The following NRXN2 variants were observed in gnomAD, a reference collection of about 807,000 sequenced individuals.
The protein encoded by NRXN2 is neurexin 2, also known as neurexin-2-beta.
In NRXN2, 29 loss-of-function variants were observed where a neutral mutation model predicts 128.8. The ratio of observed to expected loss-of-function variants is 0.23; its 90% confidence interval spans 0.17 to 0.31. The LOEUF (loss-of-function observed/expected upper bound fraction) is 0.31. Ranked by LOEUF, NRXN2 falls within the 10% of genes least tolerant of loss-of-function variation. The probability of loss-of-function intolerance (pLI) is 1.00; values close to 1 mark genes in which losing one functional copy is unlikely to be tolerated. For synonymous variants in NRXN2, 1,098 were observed against 1,075.2 expected (o/e 1.02, Z -0.41); for missense variants, 1,881 against 2,452.6 (o/e 0.77, Z 4.92).
chr11:64,626,725 G>C (rs938183583), intron 19 of NRXN2, among the ~76,000 whole-genome samples, 173 bp from the exon 20 acceptor site: 3 of 152,164 alleles, frequency 2.0e-5, no homozygotes, highest in Admixed American at 6.5e-5. Flanking sequence ...CCCTCCCTAG[G>C]CTCCGGTTCA....
chr11:64,668,674 C>G (rs2050220092), intron 7 of NRXN2, 70 bp from the exon 8 acceptor site: 2 of 1,586,024 alleles, frequency 1.3e-6, no homozygotes, highest in Non-Finnish European at 1.7e-6. Flanking sequence ...AGAGCTACGG[C>G]TAGGCAAAGG....
At chr11:64,697,551 GGGAA>G (rs1407624147) in intron 3 of NRXN2, among the ~76,000 whole-genome samples, 2 of 152,100 alleles carry the variant, frequency 1.3e-5, no homozygotes, top group Non-Finnish European at 1.5e-5. Flanking sequence ...AGCGTGGAGA[GGGAA>G]AGGAAGAAGA....
intron 9 of NRXN2, chr11:64,661,453 C>T (rs960641310): frequency 8.1e-6 from 10 of 1,240,704 alleles, no homozygotes; most frequent in South Asian, 1.8e-5. Flanking sequence ...GTGGGCATGC[C>T]GAAATCTTGA....
intron 6 of NRXN2, among the ~76,000 whole-genome samples, chr11:64,678,126 C>A (rs1464703095): frequency 6.6e-6 from 1 of 151,992 alleles, no homozygotes; most frequent in Non-Finnish European, 1.5e-5. Context: ...TTCTTCTCAT[C>A]CTTAAGAAAG....
In NRXN2 at chr11:64,714,354, C is replaced by G. The variant is rs2057219253; in HGVS notation, c.-244-411G>C. Among the ~76,000 whole-genome samples the G allele has an allele frequency of 6.6e-6, 1 of 152,152 alleles. No homozygotes were observed. Among genetic ancestry groups the G allele is most frequent in the Non-Finnish European group, 1.5e-5 (1 of 68,030 alleles). The stretch of plus-strand genomic sequence containing the variant: ...TGAACCGCCCAGCCTCTGCCTGGCT[C>G]CCACCTCCAGCCACTGTTCCTCTCA... On this transcript the variant is annotated intron_variant, in intron 1 of 22. Transcript: ENST00000265459. The surrounding 1 kb of genome is among the most constrained non-coding windows in gnomAD (Gnocchi z 4.5).
intron 1 of NRXN2, among the ~76,000 whole-genome samples, chr11:64,715,867 C>T (rs138971141): frequency 4.3e-4 from 65 of 152,274 alleles, no homozygotes; most frequent in South Asian, 1.2e-3. Context: ...TTAACATGTG[C>T]GGGCTAATTA....
intron 6 of NRXN2, among the ~76,000 whole-genome samples, chr11:64,681,238 ACCTTACCAGCTG>A (rs2052232481): frequency 6.6e-6 from 1 of 152,142 alleles, no homozygotes; most frequent in African/African-American, 2.4e-5. Context: ...CGTGTCCAAA[ACCTTACCAGCTG>A]CCTTCAGGAA....
At chr11:64,681,513 A>G (rs1255122406) in intron 6 of NRXN2, among the ~76,000 whole-genome samples, 1 of 152,228 alleles carries the variant, frequency 6.6e-6, no homozygotes, top group Non-Finnish European at 1.5e-5. Context: ...GTGGCATTTA[A>G]GCTGGGCCTG....
chr11:64,722,760 G>A (rs1038008200), intron 1 of NRXN2, among the ~76,000 whole-genome samples: 3 of 148,058 alleles, frequency 2.0e-5, no homozygotes, highest in South Asian at 2.1e-4. Context: ...CAGCTCTCAG[G>A]GCCAGTGCCC....
Position 64,714,636 on chromosome 11 carries a change from C to T in NRXN2, c.-244-693G>A, listed in dbSNP as rs1354029034. 6.6e-6 allele frequency among the ~76,000 whole-genome samples: 1 copy of T among 152,128 alleles called. No homozygotes were observed. The highest frequency in any genetic ancestry group is 2.4e-5 in the African/African-American group (1 of 41,384). ...AGCCTCACTGCTTACCAACCCAGGT[C>T]CTTTCTGAAGCTAAATGTCTGTCAT... On this transcript the variant is annotated intron_variant, in intron 1 of 22. Transcript: ENST00000265459. The surrounding 1 kb of genome is among the most constrained non-coding windows in gnomAD (Gnocchi z 4.5).
At chr11:64,708,681 T>C (rs2056586708) in intron 2 of NRXN2, among the ~76,000 whole-genome samples, 1 of 152,238 alleles carries the variant, frequency 6.6e-6, no homozygotes, top group Admixed American at 6.5e-5. Flanking sequence ...CAAATTCGTA[T>C]GCACACCAAA....
intron 4 of NRXN2, 91 bp downstream of exon 4, chr11:64,692,756 G>C: frequency 7.3e-7 from 1 of 1,376,362 alleles, no homozygotes; most frequent in Non-Finnish European, 1.0e-6. Flanking sequence ...GGAGGGGAAG[G>C]GGACAGGGGA....
chr11:64,658,734 G>C lies in NRXN2; in HGVS notation c.2389+1598C>G, dbSNP rs549663457. ...TGAGACTCCAGATGAGTATTTAAAA[G>C]TTCAAAGTTCAGCCAGGCACAGTGG... On this transcript the variant is annotated intron_variant, in intron 11 of 22. Transcript: ENST00000265459. 5.9e-5 allele frequency among the ~76,000 whole-genome samples: 9 copies of C among 152,350 alleles called. No homozygotes were observed. The South Asian group carries it at 1.5e-3, about 25-fold the overall frequency.
At chr11:64,652,251 C>T (rs1405735952) in intron 12 of NRXN2, 97 bp from the exon 13 acceptor site, 46 of 1,438,712 alleles carry the variant, frequency 3.2e-5, no homozygotes, top group Non-Finnish European at 4.0e-5. Flanking sequence ...CCCATCCCCG[C>T]ACATGCCACA....
rs556702028 is a variant in NRXN2, at chr11:64,667,181, C to T, written c.1798+69G>A. 87 of 1,500,354 alleles carry T rather than the reference C, an allele frequency of 5.8e-5. No homozygotes were observed. The highest frequency in any genetic ancestry group is 7.0e-5 in the Non-Finnish European group (76 of 1,081,258). The allele number at this position is 1,500,354 out of a possible 1,614,324, so 92.9% of individuals were successfully genotyped here. On this transcript the variant is annotated intron_variant, in intron 9 of 22. Coordinates refer to ENST00000265459, the MANE Select transcript of NRXN2 (RefSeq NM_015080.4). The surrounding 1 kb of genome is among the most constrained non-coding windows in gnomAD (Gnocchi z 5.6). Reference sequence around the variant, plus strand: ...GTAGAAGAGACCCGCTGAAGAGAGACGGAGAGGATGTCAGGGCAGATGGAA... The same window carrying T: ...GTAGAAGAGACCCGCTGAAGAGAGATGGAGAGGATGTCAGGGCAGATGGAA...
chr11:64,610,404 G>A (rs1335327178), intron 22 of NRXN2, among the ~76,000 whole-genome samples: 1 of 152,188 alleles, frequency 6.6e-6, no homozygotes, highest in African/African-American at 2.4e-5. Context: ...GCCCAGCAAG[G>A]TGAGTGAGGC....
chr11:64,668,656 C>G, intron 7 of NRXN2, 52 bp from the exon 8 acceptor site: 2 of 1,605,608 alleles, frequency 1.2e-6, no homozygotes, highest in South Asian at 2.2e-5. Flanking sequence ...AACATCAAAT[C>G]CCTAGGAAGA....
intron 6 of NRXN2, among the ~76,000 whole-genome samples, chr11:64,682,240 TTGGGGACTCCATCTC>T (rs1201367402): frequency 8.3e-4 from 124 of 150,272 alleles, no homozygotes; most frequent in Non-Finnish European, 1.2e-3. Flanking sequence ...TCCCCCATTA[TTGGGGACTCCATCTC>T]TGGGGACTCC....
At chr11:64,663,225 C>G (rs1007894496) in intron 9 of NRXN2, among the ~76,000 whole-genome samples, 1 of 152,018 alleles carries the variant, frequency 6.6e-6, no homozygotes, top group Non-Finnish European at 1.5e-5. Flanking sequence ...CAAAAATTAG[C>G]CGGGCATGGT....
Sources: allele counts gnomAD v4.1 joint callset (sites outside exome capture counted in the v4.1 genomes callset), GRCh38; gene constraint gnomAD v4.1.1; non-coding constraint Gnocchi (gnomAD v3.1); transcripts MANE v1.5; gene names NCBI Gene and HGNC (gene_info 2026-07-23, HGNC 2026-07-21).